TRAK1: variants seen among roughly 807,000 people sequenced by gnomAD.
The protein encoded by TRAK1 is trafficking kinesin-binding protein 1.
A neutral mutation model predicts 92.1 loss-of-function variants in TRAK1; 33 were observed. The observed-to-expected ratio is 0.36, with a 90% confidence interval of 0.27 to 0.48. The LOEUF is 0.48. TRAK1 is among the 20% of genes least tolerant of loss of function. The pLI is 0.99. For missense variants in TRAK1, 1,123 were observed against 1,257.9 expected, an observed-to-expected ratio of 0.89 and a Z score of 1.62; for synonymous variants, 521 against 517.3, an observed-to-expected ratio of 1.01 and a Z score of -0.10.
intron 2 of TRAK1, among the ~76,000 whole-genome samples, chr3:42,128,039 C>T (rs1710816307): frequency 6.6e-6 from 1 of 152,100 alleles, no homozygotes; most frequent in Non-Finnish European, 1.5e-5. Flanking sequence ...ATTAGCCAGG[C>T]ATGGTGGCAG....
intron 1 of TRAK1, among the ~76,000 whole-genome samples, chr3:42,030,398 C>T (rs556434399): frequency 2.9e-5 from 4 of 140,188 alleles, no homozygotes; most frequent in Admixed American, 7.1e-5. Context: ...TATGGCCGGG[C>T]GTGGTAGCTC....
intron 2 of TRAK1, among the ~76,000 whole-genome samples, chr3:42,167,917 T>A (rs1463447283): frequency 6.6e-6 from 1 of 152,032 alleles, no homozygotes; most frequent in Non-Finnish European, 1.5e-5. Flanking sequence ...AACCAAGTAA[T>A]GTGTGTCTTA....
intron 2 of TRAK1, among the ~76,000 whole-genome samples, chr3:42,130,511 A>G (rs1174147987): frequency 1.3e-5 from 2 of 152,176 alleles, no homozygotes. Flanking sequence ...AGTGACTGGT[A>G]TTTACCTCTG....
chr3:42,220,089 C>T (rs1216462298), intron 15 of TRAK1, among the ~76,000 whole-genome samples: 1 of 151,974 alleles, frequency 6.6e-6, no homozygotes, highest in Admixed American at 6.6e-5. Context: ...ATTTTTTGCC[C>T]CCAAGTTTGT....
At chr3:42,193,566 T>C (rs533301422) in intron 8 of TRAK1, among the ~76,000 whole-genome samples, 5 of 151,984 alleles carry the variant, frequency 3.3e-5, no homozygotes, top group Non-Finnish European at 7.4e-5. Context: ...GGCAGCAAAA[T>C]GGACTTTGCT....
intron 1 of TRAK1, among the ~76,000 whole-genome samples, chr3:42,077,284 G>A (rs1469603167): frequency 1.3e-5 from 2 of 152,144 alleles, no homozygotes; most frequent in African/African-American, 2.4e-5. Context: ...CATGGAAAGT[G>A]TTTCTTTTTT....
chr3:42,085,580 G>T (rs1704632610), upstream of TRAK1, among the ~76,000 whole-genome samples: 1 of 152,194 alleles, frequency 6.6e-6, no homozygotes, highest in Non-Finnish European at 1.5e-5. Flanking sequence ...TGGGAAAAAG[G>T]TCACAGATTC....
chr3:42,055,413 A>G (rs1267520317), intron 1 of TRAK1, among the ~76,000 whole-genome samples: 2 of 152,210 alleles, frequency 1.3e-5, no homozygotes, highest in East Asian at 3.8e-4. Flanking sequence ...CATCTAAAGT[A>G]TGGAATTCAA....
In TRAK1 at chr3:42,124,702, A is replaced by G. The variant is rs959101513; in HGVS notation, c.92-718A>G. 7.2e-5 allele frequency among the ~76,000 whole-genome samples: 11 copies of G among 152,338 alleles called. No homozygotes were observed. In the South Asian group the frequency reaches 1.2e-3, roughly 17 times the overall value. On this transcript the variant is annotated intron_variant, in intron 1 of 15. Transcript: ENST00000327628. ...CACTGAAATACCCACAAGACACTTA[A>G]TAAGTGTAGTAACTGAAGTTCTGAC...
At chr3:42,222,285 C>T (rs1439786239) in intron 15 of TRAK1, among the ~76,000 whole-genome samples, 1 of 152,114 alleles carries the variant, frequency 6.6e-6, no homozygotes, top group Non-Finnish European at 1.5e-5. Flanking sequence ...TCTAACTCCA[C>T]TGGTTAGAAT....
intron 2 of TRAK1, among the ~76,000 whole-genome samples, chr3:42,145,484 C>CAAA (rs11381054): frequency 3.3e-5 from 3 of 89,654 alleles, no homozygotes; most frequent in African/African-American, 4.3e-5. Flanking sequence ...GACTCTGTCT[C>CAAA]AAAAAAAAAA....
At position 42,062,348 on chromosome 3, in the gene TRAK1, AT is replaced by A. The variant is rs368309079; in HGVS notation, c.-518-24748del. Among the ~76,000 whole-genome samples, 12 of 152,026 alleles carry A rather than the reference AT, an allele frequency of 7.9e-5. 1 individual carries two copies. The East Asian group carries it at 1.7e-3, about 22-fold the overall frequency. On this transcript the variant is annotated intron_variant, in intron 1 of 16. Transcript: ENST00000487159. ...CTAAGGATAGGTCTTAATTTTGAATATTTTTTTTCCTACTAGGGCCAATTTC... is the reference window on the plus strand; with the variant it reads ...CTAAGGATAGGTCTTAATTTTGAATATTTTTTTCCTACTAGGGCCAATTTC...
At chr3:42,057,744 G>C (rs1703256869) in intron 1 of TRAK1, among the ~76,000 whole-genome samples, 1 of 152,044 alleles carries the variant, frequency 6.6e-6, no homozygotes, top group Non-Finnish European at 1.5e-5. Flanking sequence ...AGATTCTGGG[G>C]TTGGCTCTGT....
Position 42,223,674 on chromosome 3 carries a change from T to C in TRAK1, c.2799T>C (p.Pro933=), listed in dbSNP as rs12487911. ...MVGSSMQMKA[P]VTLTSGILMG... ...GATCTAGCATGCAGATGAAAGCTCC[T>C]GTGACTCTCACCTCGGGCATCTTGA... Residue 933 remains proline (P), a synonymous_variant, in exon 16 of 16, where the codon CCT becomes CCC. Coordinates refer to ENST00000327628, the MANE Select transcript of TRAK1 (RefSeq NM_001042646.3). The surrounding 1 kb of genome is among the most constrained non-coding windows in gnomAD (Gnocchi z 6.1). The C allele has an allele frequency of 0.098, 158,103 of 1,613,806 alleles. 12,864 individuals carry two copies. The highest frequency in any genetic ancestry group is 0.44 in the African/African-American group (33,313 of 74,926).
chr3:42,030,386 T>A (rs1391696861), intron 1 of TRAK1, among the ~76,000 whole-genome samples: 1 of 148,312 alleles, frequency 6.7e-6, no homozygotes, highest in African/African-American at 2.5e-5. Flanking sequence ...TATATATATA[T>A]ATATGGCCGG....
intron 1 of TRAK1, among the ~76,000 whole-genome samples, chr3:42,113,401 TACCCCTACCCCTACCCC>T: frequency 7.2e-6 from 1 of 139,130 alleles, no homozygotes; most frequent in South Asian, 2.5e-4. Context: ...CCCCTACCTC[TACCCCTACCCCTACCCC>T]TACCCTTCTT....
At chr3:42,216,056 G>A (rs746383008) in intron 14 of TRAK1, among the ~76,000 whole-genome samples, 6 of 152,198 alleles carry the variant, frequency 3.9e-5, no homozygotes, top group Admixed American at 6.5e-5. Flanking sequence ...ATGAGCAGGT[G>A]TGTACAAATT....
At chr3:42,117,143 A>G (rs1709266734) in intron 1 of TRAK1, among the ~76,000 whole-genome samples, 1 of 151,900 alleles carries the variant, frequency 6.6e-6, no homozygotes, top group South Asian at 2.1e-4. Context: ...AGAATGTGCA[A>G]CTCTTGCTCT....
intron 2 of TRAK1, among the ~76,000 whole-genome samples, chr3:42,167,903 A>C (rs927933553): frequency 6.6e-6 from 1 of 152,146 alleles, no homozygotes; most frequent in African/African-American, 2.4e-5. Flanking sequence ...AACAACAACA[A>C]AAAAACCAAG....
Sources: gnomAD v4.1 joint callset for allele counts (sites outside exome capture counted in the v4.1 genomes callset) on GRCh38, gnomAD v4.1.1 for gene constraint, Gnocchi (gnomAD v3.1) non-coding constraint, MANE v1.5 for transcripts, NCBI Gene and HGNC (gene_info 2026-07-23, HGNC 2026-07-21) for gene names.